Variants in ABHD12 observed in about 807,000 individuals in gnomAD.
ABHD12 encodes the protein lysophosphatidylserine lipase ABHD12.
ABHD12 carries 43 observed loss-of-function variants against 58.3 expected under a neutral mutation model. That is an observed-to-expected ratio of 0.74 (90% CI 0.58 to 0.95). ABHD12 has a LOEUF of 0.95. Among genes scored for constraint, ABHD12 ranks in the 40% least tolerant of loss-of-function variants. The pLI is 0.00. For synonymous variants in ABHD12, 219 were observed against 211.2 expected (o/e 1.04, Z -0.32); for missense variants, 539 against 537.2 (o/e 1.00, Z -0.03).
intron 3 of ABHD12, among the ~76,000 whole-genome samples, chr20:25,321,859 T>G (rs1344180703): frequency 6.6e-6 from 1 of 152,230 alleles, no homozygotes; most frequent in Non-Finnish European, 1.5e-5. Context: ...GACAAAAGAC[T>G]TTAATCCCAG....
chr20:25,373,169 A>G (rs2089919792), intron 1 of ABHD12, among the ~76,000 whole-genome samples: 1 of 152,134 alleles, frequency 6.6e-6, no homozygotes, highest in African/African-American at 2.4e-5. Context: ...CTTGCCTAAC[A>G]CCACATTGCT....
intron 1 of ABHD12, among the ~76,000 whole-genome samples, chr20:25,350,529 C>T (rs974403785): frequency 1.3e-5 from 2 of 152,226 alleles, no homozygotes; most frequent in African/African-American, 4.8e-5. Context: ...TGTGACTTTG[C>T]TTCTCCTTTG....
chr20:25,313,054 C>T (rs1351671398), intron 6 of ABHD12, among the ~76,000 whole-genome samples: 2 of 152,274 alleles, frequency 1.3e-5, no homozygotes, highest in African/African-American at 4.8e-5. Context: ...AGGAGCCCCT[C>T]TGCCCGGCTG....
chr20:25,299,830 G>A (rs958293903), downstream of ABHD12, among the ~76,000 whole-genome samples: 1 of 152,188 alleles, frequency 6.6e-6, no homozygotes, highest in Non-Finnish European at 1.5e-5. Context: ...ACCCTGGCCA[G>A]GAGGGGGACC....
downstream of ABHD12, chr20:25,297,975 T>G (rs1458453674): frequency 1.3e-5 from 2 of 152,244 alleles, no homozygotes; most frequent in Admixed American, 1.3e-4. Flanking sequence ...CCTTGTGAGA[T>G]AAAAACTGAT....
At chr20:25,357,881 C>T (rs1424049405) in intron 1 of ABHD12, among the ~76,000 whole-genome samples, 2 of 152,022 alleles carry the variant, frequency 1.3e-5, no homozygotes, top group African/African-American at 4.8e-5. Context: ...TGTCATGACA[C>T]GTGCTTGTAG....
chr20:25,365,962 C>A (rs996863038), intron 1 of ABHD12, among the ~76,000 whole-genome samples: 2 of 152,184 alleles, frequency 1.3e-5, no homozygotes, highest in Non-Finnish European at 2.9e-5. Context: ...ACTGCTTGAG[C>A]CCGGGAGGTC....
chr20:25,388,787 C>CTTTTTTT (rs780031801), intron 1 of ABHD12, among the ~76,000 whole-genome samples: 11 of 122,092 alleles, frequency 9.0e-5, no homozygotes, highest in Non-Finnish European at 1.5e-4. Flanking sequence ...TTGATTTTTT[C>CTTTTTTT]TTTTTTTTTT....
intron 1 of ABHD12, among the ~76,000 whole-genome samples, chr20:25,372,571 A>G (rs1196815888): frequency 1.3e-5 from 2 of 152,164 alleles, no homozygotes; most frequent in Non-Finnish European, 1.5e-5. Flanking sequence ...GGGTGGGAGG[A>G]ATGACAACAT....
chr20:25,294,885 T>C, exon 13 of ABHD12: 1 of 1,459,774 alleles, frequency 6.9e-7, no homozygotes. Flanking sequence ...GGGCTGGGAA[T>C]TCACCTGCCC....
chr20:25,364,103 C>G (rs1159314516), intron 1 of ABHD12, among the ~76,000 whole-genome samples: 1 of 152,138 alleles, frequency 6.6e-6, no homozygotes, highest in Non-Finnish European at 1.5e-5. Flanking sequence ...GGTCACAGGC[C>G]CCAGGACCCT....
At chr20:25,318,106 C>T (rs1033460981) in intron 4 of ABHD12, among the ~76,000 whole-genome samples, 1 of 152,182 alleles carries the variant, frequency 6.6e-6, no homozygotes, top group Non-Finnish European at 1.5e-5. Context: ...CACTTGAGCT[C>T]AGGAGTTTGA....
rs560297979 is a variant in ABHD12, at chr20:25,330,303, G to A, written c.317-6873C>T. On this transcript the variant is annotated intron_variant, in intron 2 of 12. Transcript: ENST00000339157. ...GGAGATTATATCCCGCACATGGCTC[G>A]GAGGGTCCTACGCCCACGGAGTCTC... 7.2e-5 allele frequency among the ~76,000 whole-genome samples: 11 copies of A among 152,334 alleles called. 1 individual carries two copies. The highest frequency in any genetic ancestry group is 2.1e-4 in the South Asian group (1 of 4,828).
rs2089043543 is a variant in ABHD12, at chr20:25,320,337, G to A, written c.423-19C>T. 1 of 1,612,298 alleles carries A rather than the reference G, an allele frequency of 6.2e-7. No homozygotes were observed. The highest frequency in any genetic ancestry group is 1.3e-5 in the African/African-American group (1 of 74,934). ...GGTGTGCCTGCAGACAGAAGCAGAG[G>A]GGAGCGCAGGATCAGATGTCCCTTC... On this transcript the variant is annotated intron_variant, in intron 3 of 12. Coordinates refer to ENST00000339157, the MANE Select transcript of ABHD12 (RefSeq NM_001042472.3).
At chr20:25,318,996 C>A (rs997814421) in intron 4 of ABHD12, among the ~76,000 whole-genome samples, 1 of 152,198 alleles carries the variant, frequency 6.6e-6, no homozygotes, top group African/African-American at 2.4e-5. Context: ...AAGGGCCCAG[C>A]ACAGCTCTCC....
At chr20:25,323,279 G>C (rs369208613) in intron 3 of ABHD12, 46 bp downstream of exon 3, 1 of 1,205,546 alleles carries the variant, frequency 8.3e-7, no homozygotes, top group Non-Finnish European at 1.2e-6. Flanking sequence ...GTCATGTAGG[G>C]TCCTTTCCTG....
At chr20:25,305,146 C>T (rs1464398041) in intron 10 of ABHD12, among the ~76,000 whole-genome samples, 5 of 152,156 alleles carry the variant, frequency 3.3e-5, no homozygotes, top group South Asian at 2.1e-4. Flanking sequence ...GGATTACAGG[C>T]GTGAGCCACT....
At chr20:25,368,629 C>T in intron 1 of ABHD12, 1 of 1,374,010 alleles carries the variant, frequency 7.3e-7, no homozygotes, top group South Asian at 1.2e-5. Flanking sequence ...ACCCTTAAAA[C>T]CAAATCCTTT....
chr20:25,389,752 T>C (rs1428901583), intron 1 of ABHD12, among the ~76,000 whole-genome samples: 1 of 152,166 alleles, frequency 6.6e-6, no homozygotes, highest in Non-Finnish European at 1.5e-5. Context: ...GGAGGCGAAC[T>C]TGTGCGGACA....
Sources: gnomAD v4.1 joint callset for allele counts (sites outside exome capture counted in the v4.1 genomes callset) on GRCh38, gnomAD v4.1.1 for gene constraint, MANE v1.5 for transcripts, NCBI Gene and HGNC (gene_info 2026-07-23, HGNC 2026-07-21) for gene names.